YME1L1: variants seen among roughly 807,000 people sequenced by gnomAD.
YME1L1 encodes the protein ATP-dependent zinc metalloprotease YME1L1.
A neutral mutation model predicts 90.4 loss-of-function variants in YME1L1; 39 were observed. The observed-to-expected ratio is 0.43, with a 90% CI of 0.33 to 0.56. The LOEUF (loss-of-function observed/expected upper bound fraction) is 0.56, where lower values mean the gene tolerates loss of function less well. YME1L1 is among the 20% of genes least tolerant of loss of function. YME1L1 has a pLI of 0.03. For missense variants in YME1L1, 617 were observed against 868.4 expected, an observed-to-expected ratio of 0.71 and a Z score of 3.64; for synonymous variants, 284 against 287.3, an observed-to-expected ratio of 0.99 and a Z score of 0.12.
At position 27,117,631 on chromosome 10, in the gene YME1L1, T is replaced by C. The variant is rs749360060; in HGVS notation, c.1664A>G (p.Asp555Gly). 1.5e-5 allele frequency: 25 copies of C among 1,614,118 alleles called. No homozygotes were observed. Among genetic ancestry groups the C allele is most frequent in the Non-Finnish European group, 1.9e-5 (23 of 1,180,052 alleles). Residue 555 changes from aspartate to glycine, a missense_variant, in exon 15 of 19, where the codon GAT becomes GGT. Physicochemically the swap from Asp to Gly is moderately conservative, Grantham distance 94 (BLOSUM62 -1). This residue lies in a region of YME1L1 where 212 missense variants were observed against 330.0 expected (regional missense o/e 0.64). Coordinates refer to ENST00000376016, the MANE Select transcript of YME1L1 (RefSeq NM_014263.4). ...GHAIIAYYTK[D>G]AMPINKATIM... The stretch of plus-strand genomic sequence containing the variant: ...TGTAGCTTTGTTGATAGGCATTGCA[T>C]CTTTTGTGTAATATGCAATAATGGC...
In YME1L1 at chr10:27,122,969, T is replaced by A; in HGVS notation, c.1107A>T (p.Glu369Asp). Residue 369 changes from glutamate (E) to aspartate (D), a missense_variant, in exon 11 of 19, where the codon GAA becomes GAT. By Grantham distance (45) the Glu-to-Asp change is conservative. Transcript: ENST00000376016. ...TAACACAAGGAGCATTCGCCTTTGC[T>A]TCCCCTAAGAAAACAAAAAACATTC... is the stretch of plus-strand genomic sequence containing the variant. The part of the protein sequence containing the change: ...GASRIRNLFR[E>D]AKANAPCVIF... 3 of 1,609,736 alleles carry A rather than the reference T, an allele frequency of 1.9e-6. No individual in the cohort carries two copies. The highest frequency in any genetic ancestry group is 2.5e-6 in the Non-Finnish European group (3 of 1,178,888).
chr10:27,149,735 A>AG (rs1485494225), intron 1 of YME1L1, among the ~76,000 whole-genome samples: 3 of 140,072 alleles, frequency 2.1e-5, no homozygotes, highest in Non-Finnish European at 4.5e-5. Flanking sequence ...AAAAAAAAAA[A>AG]AGAAACTACC....
At chr10:27,121,154 T>G (rs2056863585) in intron 12 of YME1L1, among the ~76,000 whole-genome samples, 1 of 152,220 alleles carries the variant, frequency 6.6e-6, no homozygotes, top group East Asian at 1.9e-4. Flanking sequence ...AATCTAATTT[T>G]AGAATATTCC....
chr10:27,127,772 G>C (rs111907080), intron 8 of YME1L1, among the ~76,000 whole-genome samples: 1 of 152,246 alleles, frequency 6.6e-6, no homozygotes, highest in African/African-American at 2.4e-5. Flanking sequence ...TATTTCTTGA[G>C]CTGGGTACTT....
intron 13 of YME1L1, among the ~76,000 whole-genome samples, chr10:27,119,893 A>G (rs2056849317): frequency 1.3e-5 from 2 of 152,060 alleles, no homozygotes; most frequent in Admixed American, 1.3e-4. Flanking sequence ...TAGTTTAGTC[A>G]CTTTTTCTCT....
chr10:27,147,566 T>A (rs1419214321), intron 2 of YME1L1: 1 of 1,602,822 alleles, frequency 6.2e-7, no homozygotes, highest in Non-Finnish European at 8.5e-7. Flanking sequence ...CTCTTCTTCA[T>A]CCTTTTTGCT....
At chr10:27,153,048 G>A (rs1438643782) in intron 1 of YME1L1, among the ~76,000 whole-genome samples, 2 of 152,030 alleles carry the variant, frequency 1.3e-5, no homozygotes, top group African/African-American at 2.4e-5. Context: ...TAACTACTAT[G>A]TTCTAGCCAC....
At position 27,139,873 on chromosome 10, in the gene YME1L1, CTTTT is replaced by C. The variant is rs553461784; in HGVS notation, c.430+2510_430+2513del. Among the ~76,000 whole-genome samples the C allele has an allele frequency of 8.0e-3, 1,222 of 152,118 alleles. 12 individuals carry two copies. Among genetic ancestry groups the C allele is most frequent in the South Asian group, 0.018 (85 of 4,812 alleles). Reference sequence around the variant, plus strand: ...CTTAATCAGAATTGTTAAATTGTTCCTTTTTTTATACTAAATTTGTTTTTGGTTT... The same window carrying C: ...CTTAATCAGAATTGTTAAATTGTTCCTTTATACTAAATTTGTTTTTGGTTT... On this transcript the variant is annotated intron_variant, in intron 4 of 18. Transcript: ENST00000376016.
At chr10:27,140,485 TTTTTTG>T (rs1325753593) in intron 4 of YME1L1, among the ~76,000 whole-genome samples, 2 of 152,232 alleles carry the variant, frequency 1.3e-5, no homozygotes, top group African/African-American at 4.8e-5. Flanking sequence ...TTTTTTTGTC[TTTTTTG>T]TTTTTTGAGA....
At chr10:27,131,154 A>G (rs1445112692) in intron 8 of YME1L1, among the ~76,000 whole-genome samples, 1 of 152,088 alleles carries the variant, frequency 6.6e-6, no homozygotes, top group Admixed American at 6.6e-5. Context: ...TGAACACTCC[A>G]TTTAAAACTG....
In YME1L1 at chr10:27,117,616, T is replaced by G. The variant is rs2056826837; in HGVS notation, c.1679A>C (p.Asn560Thr). The G allele has an allele frequency of 6.2e-7, 1 of 1,614,212 alleles. No homozygotes were observed. The highest frequency in any genetic ancestry group is 1.3e-5 in the African/African-American group (1 of 75,064). The change falls in exon 15 of 19, where the codon AAC (asparagine) becomes ACC (threonine). Residue 560 changes from asparagine (N) to threonine (T), a missense_variant. This residue lies in a region of YME1L1 where 212 missense variants were observed against 330.0 expected (regional missense o/e 0.64). Coordinates refer to ENST00000376016, the MANE Select transcript of YME1L1 (RefSeq NM_014263.4). ...CCCCCGTGGCATGATTGTAGCTTTG[T>G]TGATAGGCATTGCATCTTTTGTGTA... ...AYYTKDAMPINKATIMPRGPT... is the reference protein window; with the variant it reads ...AYYTKDAMPITKATIMPRGPT...
intron 1 of YME1L1, among the ~76,000 whole-genome samples, chr10:27,153,791 G>A (rs116030401): frequency 2.0e-3 from 308 of 152,292 alleles, no homozygotes; most frequent in African/African-American, 7.2e-3. Flanking sequence ...GAACACTAAA[G>A]CCACTGGAAA....
intron 2 of YME1L1, among the ~76,000 whole-genome samples, chr10:27,148,148 A>T (rs2057166769): frequency 1.5e-5 from 2 of 137,028 alleles, no homozygotes; most frequent in Admixed American, 1.3e-4. Flanking sequence ...ACTTCCCTGT[A>T]AAAACAGGTG....
At chr10:27,121,506 A>AGC in intron 11 of YME1L1, 58 bp from the exon 12 acceptor site, 1 of 1,237,120 alleles carries the variant, frequency 8.1e-7, no homozygotes, top group Non-Finnish European at 1.2e-6. Context: ...ACACATGTAG[A>AGC]AATGCTCTAC....
chr10:27,142,739 G>A (rs788235), intron 3 of YME1L1, among the ~76,000 whole-genome samples: 5 of 151,542 alleles, frequency 3.3e-5, no homozygotes, highest in Admixed American at 2.0e-4. Context: ...TTTTTGAGAC[G>A]GAGTCCCGCT....
chr10:27,116,388 G>A (rs1258958306), intron 15 of YME1L1, 43 bp from the exon 16 acceptor site: 1 of 1,605,336 alleles, frequency 6.2e-7, no homozygotes, highest in Non-Finnish European at 8.5e-7. Context: ...AAGCAAAGAG[G>A]CTGGGTGCGG....
At chr10:27,118,467 G>A (rs139643256) in intron 14 of YME1L1, among the ~76,000 whole-genome samples, 312 of 152,136 alleles carry the variant, frequency 2.1e-3, no homozygotes, top group African/African-American at 7.3e-3. Context: ...ATTTTTGGTA[G>A]AGATGGAGTC....
intron 4 of YME1L1, 152 bp from the exon 5 acceptor site, chr10:27,136,537 T>A: frequency 1.5e-6 from 1 of 678,502 alleles, no homozygotes; most frequent in Non-Finnish European, 2.4e-6. Context: ...CCTTCTTTTT[T>A]GTAGAGACGG....
intron 4 of YME1L1, among the ~76,000 whole-genome samples, chr10:27,137,228 G>A (rs1319644661): frequency 6.6e-6 from 1 of 152,144 alleles, no homozygotes; most frequent in Non-Finnish European, 1.5e-5. Context: ...CATGCACACA[G>A]GTGCTCTTTC....
Sources: gnomAD v4.1 joint callset for allele counts (sites outside exome capture counted in the v4.1 genomes callset) on GRCh38, gnomAD v4.1.1 for gene constraint, gnomAD v4.1.1 regional missense constraint, MANE v1.5 for transcripts, NCBI Gene and HGNC (gene_info 2026-07-23, HGNC 2026-07-21) for gene names.